SLC22A3: variants seen among roughly 807,000 people sequenced by gnomAD.
SLC22A3 encodes solute carrier family 22 member 3, also known as EMT organic cation transporter 3.
Under a neutral mutation model 59.1 loss-of-function variants are expected in SLC22A3, and 51 were observed. That is an observed-to-expected ratio of 0.86 (90% CI 0.69 to 1.09). The LOEUF (loss-of-function observed/expected upper bound fraction) is 1.09, where lower values mean the gene tolerates loss of function less well. Ranked by LOEUF, SLC22A3 falls within the 50% of genes least tolerant of loss-of-function variation. The probability of loss-of-function intolerance (pLI) is 0.00; values close to 1 mark genes in which losing one functional copy is unlikely to be tolerated. For synonymous variants in SLC22A3, 325 were observed against 292.0 expected (o/e 1.11, Z -1.15); for missense variants, 711 against 726.3 (o/e 0.98, Z 0.24).
chr6:160,376,750 C>G (rs552347649), intron 1 of SLC22A3, among the ~76,000 whole-genome samples: 1 of 152,290 alleles, frequency 6.6e-6, no homozygotes, highest in African/African-American at 2.4e-5. Context: ...TCTGTGAGGC[C>G]TTAAAGCTGG....
intron 9 of SLC22A3, 34 bp downstream of exon 9, chr6:160,443,776 AT>A (rs762351826): frequency 8.4e-5 from 111 of 1,328,240 alleles, no homozygotes; most frequent in Non-Finnish European, 1.2e-4. Flanking sequence ...AAGAGCCTTC[AT>A]CTACATTCTT....
intron 1 of SLC22A3, among the ~76,000 whole-genome samples, chr6:160,368,789 AC>A (rs1427444660): frequency 1.3e-5 from 2 of 151,892 alleles, no homozygotes; most frequent in Non-Finnish European, 2.9e-5. Context: ...CTCTGTAGGG[AC>A]CCCTGTGGCT....
intron 1 of SLC22A3, among the ~76,000 whole-genome samples, chr6:160,394,679 A>G (rs1214995199): frequency 1.3e-5 from 2 of 152,254 alleles, no homozygotes; most frequent in African/African-American, 4.8e-5. Context: ...AGGTATTTTA[A>G]CCAGAGAGGG....
chr6:160,448,253 A>T (rs987178215), intron 10 of SLC22A3, among the ~76,000 whole-genome samples: 1 of 152,238 alleles, frequency 6.6e-6, no homozygotes, highest in Admixed American at 6.5e-5. Flanking sequence ...GTCACTGAAC[A>T]ACATGTTATA....
intron 5 of SLC22A3, among the ~76,000 whole-genome samples, chr6:160,414,724 A>C (rs1470194986): frequency 6.6e-6 from 1 of 152,160 alleles, no homozygotes; most frequent in Non-Finnish European, 1.5e-5. Context: ...ATCTCATGAG[A>C]ATTCACTCAC....
intron 2 of SLC22A3, among the ~76,000 whole-genome samples, chr6:160,403,295 A>G (rs1394819090): frequency 6.6e-6 from 1 of 151,912 alleles, no homozygotes; most frequent in African/African-American, 2.4e-5. Flanking sequence ...TTGATAACCT[A>G]CATGAAATGG....
At chr6:160,437,337 T>C in intron 7 of SLC22A3, 126 bp downstream of exon 7, 1 of 966,342 alleles carries the variant, frequency 1.0e-6, no homozygotes, top group African/African-American at 1.6e-5. Context: ...GTGATGTCAC[T>C]CCATTTTCTG....
chr6:160,446,154 A>C (rs1207143760), intron 9 of SLC22A3, among the ~76,000 whole-genome samples: 1 of 152,210 alleles, frequency 6.6e-6, no homozygotes, highest in Non-Finnish European at 1.5e-5. Context: ...GACCAGGTCC[A>C]ACCTAAGGAC....
intron 1 of SLC22A3, among the ~76,000 whole-genome samples, chr6:160,387,410 A>C (rs181646187): frequency 6.6e-5 from 10 of 152,302 alleles, no homozygotes; most frequent in Admixed American, 4.6e-4. Flanking sequence ...TATCACTGCC[A>C]CACTCATGAG....
chr6:160,409,032 T>C (rs1415934714), intron 4 of SLC22A3, 111 bp downstream of exon 4: 4 of 915,322 alleles, frequency 4.4e-6, no homozygotes, highest in Non-Finnish European at 6.4e-6. Flanking sequence ...TTTTTTTTTT[T>C]TATTATACTC....
chr6:160,445,468 G>A (rs1788705137), intron 9 of SLC22A3, among the ~76,000 whole-genome samples: 1 of 152,208 alleles, frequency 6.6e-6, no homozygotes, highest in Non-Finnish European at 1.5e-5. Context: ...GTTTCACCCT[G>A]AGGTGGACAG....
intron 1 of SLC22A3, among the ~76,000 whole-genome samples, chr6:160,397,075 C>G (rs1287832099): frequency 1.3e-5 from 2 of 152,140 alleles, no homozygotes; most frequent in African/African-American, 4.8e-5. Context: ...TCTATTGCAG[C>G]CATCCCTTCC....
chr6:160,365,332 C>A (rs1453095517), intron 1 of SLC22A3, among the ~76,000 whole-genome samples: 1 of 152,172 alleles, frequency 6.6e-6, no homozygotes, highest in African/African-American at 2.4e-5. Context: ...TGTTTCCTTG[C>A]AAGGTCTGCC....
At chr6:160,407,859 G>T (rs1193007902) in intron 3 of SLC22A3, among the ~76,000 whole-genome samples, 1 of 152,136 alleles carries the variant, frequency 6.6e-6, no homozygotes. Flanking sequence ...TTCTGACCAG[G>T]AAAATGTGAA....
intron 10 of SLC22A3, among the ~76,000 whole-genome samples, chr6:160,449,512 A>G (rs1672962369): frequency 6.6e-6 from 1 of 152,240 alleles, no homozygotes; most frequent in South Asian, 2.1e-4. Context: ...TATTTACTCT[A>G]CAAAAATTAC....
intron 5 of SLC22A3, among the ~76,000 whole-genome samples, chr6:160,426,806 C>T (rs1004704411): frequency 4.6e-5 from 7 of 152,134 alleles, no homozygotes; most frequent in African/African-American, 1.4e-4. Context: ...GTAAGGCTCT[C>T]CATGGAGTTC....
chr6:160,391,756 AG>A (rs1432391983), intron 1 of SLC22A3, among the ~76,000 whole-genome samples: 1 of 152,232 alleles, frequency 6.6e-6, no homozygotes, highest in African/African-American at 2.4e-5. Flanking sequence ...CTGGAGAGAG[AG>A]GGGCTGACGT....
chr6:160,348,778 G>A lies in SLC22A3; in HGVS notation c.359G>A (p.Arg120His), dbSNP rs1220540556. Residue 120 changes from arginine to histidine, a missense_variant, in exon 1 of 11, where the codon CGC (arginine) becomes CAC (histidine). Coordinates refer to ENST00000275300, the MANE Select transcript of SLC22A3 (RefSeq NM_021977.4). ...CADPLAAFPN[R>H]SAPLVPCRGG... ...GACCCACTCGCCGCCTTCCCCAACCGCTCGGCTCCCCTTGTGCCGTGCCGC... is the reference window on the plus strand; with the variant it reads ...GACCCACTCGCCGCCTTCCCCAACCACTCGGCTCCCCTTGTGCCGTGCCGC... 1.3e-6 allele frequency: 2 copies of A among 1,555,492 alleles called. No homozygotes were observed. The highest frequency in any genetic ancestry group is 2.4e-5 in the East Asian group (1 of 42,210).
At chr6:160,445,613 C>T (rs1204541413) in intron 9 of SLC22A3, among the ~76,000 whole-genome samples, 1 of 152,208 alleles carries the variant, frequency 6.6e-6, no homozygotes, top group African/African-American at 2.4e-5. Flanking sequence ...ATGTCATCAT[C>T]AGGAGATCAC....
Sources: gnomAD v4.1 joint callset for allele counts (sites outside exome capture counted in the v4.1 genomes callset) on GRCh38, gnomAD v4.1.1 for gene constraint, MANE v1.5 for transcripts, NCBI Gene and HGNC (gene_info 2026-07-23, HGNC 2026-07-21) for gene names.